The following PIWIL1 variants were observed in gnomAD, a reference collection of about 807,000 sequenced individuals.
The protein encoded by PIWIL1 is piwi-like protein 1.
PIWIL1 carries 73 observed loss-of-function variants against 114.4 expected under a neutral mutation model. The observed-to-expected ratio is 0.64, with a 90% CI of 0.53 to 0.78. The LOEUF is 0.78. Among genes scored for constraint, PIWIL1 ranks in the 30% least tolerant of loss-of-function variants. The pLI is 0.00. For synonymous variants in PIWIL1, 375 were observed against 369.0 expected (o/e 1.02, Z -0.19); for missense variants, 723 against 1,063.1 (o/e 0.68, Z 4.45).
chr12:130,345,986 T>C (rs1357325726), intron 4 of PIWIL1, 108 bp downstream of exon 4: 3 of 1,168,580 alleles, frequency 2.6e-6, no homozygotes, highest in Non-Finnish European at 3.6e-6. Context: ...CCTGCATGGC[T>C]TTTCGATTTT....
the PIWIL1 span, chr12:130,383,216 A>G: frequency 6.6e-6 from 1 of 152,176 alleles, no homozygotes; most frequent in Non-Finnish European, 1.5e-5. Flanking sequence ...CACCAGGAGG[A>G]TATGCCCAGG....
At chr12:130,393,166 C>T in the PIWIL1 span, among the ~76,000 whole-genome samples, 31 of 121,920 alleles carry the variant, frequency 2.5e-4, no homozygotes, top group South Asian at 5.9e-4. Flanking sequence ...CACGTGTGTC[C>T]GTCAGTTACC....
intron 18 of PIWIL1, among the ~76,000 whole-genome samples, chr12:130,365,079 G>A (rs557046620): frequency 8.5e-5 from 13 of 152,246 alleles, no homozygotes; most frequent in Admixed American, 3.3e-4. Context: ...GTGCACAGTC[G>A]TCCTGAGTGT....
At chr12:130,373,377 T>G (rs941135569), downstream of PIWIL1, among the ~76,000 whole-genome samples, 10 of 152,156 alleles carry the variant, frequency 6.6e-5, no homozygotes, top group African/African-American at 2.4e-4. Context: ...AAAGTGAAAG[T>G]TGAATTTAAT....
At chr12:130,404,221 TC>T in the PIWIL1 span, among the ~76,000 whole-genome samples, 1 of 152,184 alleles carries the variant, frequency 6.6e-6, no homozygotes, top group Non-Finnish European at 1.5e-5. Context: ...CACACACTTT[TC>T]CAACATGTTT....
intron 17 of PIWIL1, 54 bp from the exon 18 acceptor site, chr12:130,362,937 G>A (rs1294250786): frequency 3.1e-6 from 5 of 1,612,188 alleles, no homozygotes; most frequent in East Asian, 2.2e-5. Context: ...GGGAAGAACA[G>A]ACGAGTTGTG....
the PIWIL1 span, chr12:130,422,626 G>C: frequency 8.6e-7 from 1 of 1,157,258 alleles, no homozygotes; most frequent in Non-Finnish European, 1.3e-6. This position sits in a 1 kb window ranked among gnomAD's most constrained non-coding sequence, Gnocchi z 5.2. Flanking sequence ...AATTCAGTTA[G>C]CCAAATCAAG....
chr12:130,365,580 A>G (rs1027382334), intron 18 of PIWIL1, among the ~76,000 whole-genome samples: 2 of 152,218 alleles, frequency 1.3e-5, no homozygotes, highest in African/African-American at 2.4e-5. Context: ...TTAAGCTTTT[A>G]TAGCAACGTA....
chr12:130,355,953 C>G (rs2073353765), intron 12 of PIWIL1, among the ~76,000 whole-genome samples: 1 of 152,098 alleles, frequency 6.6e-6, no homozygotes, highest in Non-Finnish European at 1.5e-5. Context: ...TAGGTACACC[C>G]CAGGAGGAGA....
chr12:130,368,389 G>A (rs910189188), intron 19 of PIWIL1, among the ~76,000 whole-genome samples: 2 of 152,116 alleles, frequency 1.3e-5, no homozygotes, highest in African/African-American at 2.4e-5. Context: ...GACTTTAGGT[G>A]GAAAATGATA....
At chr12:130,398,992 G>T in the PIWIL1 span, 1 of 434,860 alleles carries the variant, frequency 2.3e-6, no homozygotes, top group South Asian at 7.1e-5. Flanking sequence ...AGTTTTTTGA[G>T]ACATATTTCT....
At chr12:130,340,727 CTT>C (rs2072897382) in intron 1 of PIWIL1, among the ~76,000 whole-genome samples, 1 of 151,800 alleles carries the variant, frequency 6.6e-6, no homozygotes, top group African/African-American at 2.4e-5. Flanking sequence ...CAGTAAGAGA[CTT>C]TCATGCGCCA....
At chr12:130,362,112 A>G (rs754445578) in intron 16 of PIWIL1, among the ~76,000 whole-genome samples, 36 of 152,218 alleles carry the variant, frequency 2.4e-4, no homozygotes, top group Non-Finnish European at 3.7e-4. Flanking sequence ...GTGCATGTGC[A>G]GGTTTGTTAC....
intron 9 of PIWIL1, 73 bp downstream of exon 9, chr12:130,350,040 C>A: frequency 1.2e-6 from 1 of 815,394 alleles, no homozygotes; most frequent in Non-Finnish European, 2.0e-6. Context: ...ACTTGTTGCA[C>A]ATTTGGAACA....
the PIWIL1 span, among the ~76,000 whole-genome samples, chr12:130,391,317 C>T: frequency 6.6e-6 from 1 of 152,222 alleles, no homozygotes; most frequent in Non-Finnish European, 1.5e-5. Context: ...TCGCTGGGGC[C>T]GTGCTCTCTC....
At chr12:130,418,442 TGGA>T in the PIWIL1 span, among the ~76,000 whole-genome samples, 1 of 152,002 alleles carries the variant, frequency 6.6e-6, no homozygotes, top group Non-Finnish European at 1.5e-5. Context: ...GGGATGATGG[TGGA>T]GAACAGCTGT....
the PIWIL1 span, chr12:130,424,317 C>CT: frequency 8.1e-7 from 1 of 1,231,852 alleles, no homozygotes. This position sits in a 1 kb window ranked among gnomAD's most constrained non-coding sequence, Gnocchi z 9.8. Flanking sequence ...GTCGTCGTTC[C>CT]TGAGGAGGCC....
chr12:130,402,457 C>CCT, the PIWIL1 span, among the ~76,000 whole-genome samples: 51 of 152,242 alleles, frequency 3.3e-4, no homozygotes, highest in African/African-American at 1.2e-3. Context: ...ATGTTTCCTG[C>CCT]CTGGAGGGTT....
intron 3 of PIWIL1, 48 bp downstream of exon 3, chr12:130,343,149 C>G (rs1038461708): frequency 7.7e-7 from 1 of 1,300,822 alleles, no homozygotes; most frequent in Admixed American, 2.3e-5. Context: ...TCAACATATA[C>G]AGCAAATTTT....
Sources: gnomAD v4.1 joint callset for allele counts (sites outside exome capture counted in the v4.1 genomes callset) on GRCh38, gnomAD v4.1.1 for gene constraint, Gnocchi (gnomAD v3.1) non-coding constraint, MANE v1.5 for transcripts, NCBI Gene and HGNC (gene_info 2026-07-23, HGNC 2026-07-21) for gene names.